Variants in XYLT1 observed in about 807,000 individuals in gnomAD.
XYLT1 encodes beta-D-xylosyltransferase 1.
XYLT1 carries 36 observed loss-of-function variants against 91.3 expected under a neutral mutation model. That is an observed-to-expected ratio of 0.39 (90% CI 0.30 to 0.52). XYLT1 has a LOEUF of 0.52. XYLT1 is among the 20% of genes least tolerant of loss of function. The pLI, the probability that XYLT1 is intolerant of heterozygous loss-of-function variation, is 0.68. For synonymous variants in XYLT1, 588 were observed against 532.0 expected, an observed-to-expected ratio of 1.11 and a Z score of -1.45; for missense variants, 1,242 against 1,284.5, an observed-to-expected ratio of 0.97 and a Z score of 0.51.
intron 2 of XYLT1, among the ~76,000 whole-genome samples, chr16:17,306,202 A>T (rs1410968737): frequency 6.6e-6 from 1 of 152,184 alleles, no homozygotes; most frequent in Non-Finnish European, 1.5e-5. Flanking sequence ...TCAGATTGGG[A>T]GAATGCAAAT....
chr16:17,337,187 C>G (rs184236527), intron 2 of XYLT1, among the ~76,000 whole-genome samples: 140 of 152,146 alleles, frequency 9.2e-4, no homozygotes, highest in African/African-American at 3.0e-3. Context: ...CACTGACTTC[C>G]TGAGAATCTT....
At chr16:17,400,684 T>G (rs1319170467) in intron 1 of XYLT1, among the ~76,000 whole-genome samples, 3 of 147,254 alleles carry the variant, frequency 2.0e-5, no homozygotes, top group Middle Eastern at 3.5e-3. Flanking sequence ...AGGAACTAAC[T>G]AACTTGCAGT....
At chr16:17,439,776 A>G (rs1052688281) in intron 1 of XYLT1, among the ~76,000 whole-genome samples, 2 of 152,192 alleles carry the variant, frequency 1.3e-5, no homozygotes, top group Non-Finnish European at 2.9e-5. Context: ...ACCACTTCCT[A>G]TAAGATTCAA....
At chr16:17,262,927 A>T (rs2033745216) in intron 2 of XYLT1, among the ~76,000 whole-genome samples, 2 of 152,034 alleles carry the variant, frequency 1.3e-5, no homozygotes, top group Admixed American at 6.6e-5. Flanking sequence ...ACAGGAGCCA[A>T]TTTTTTTCTC....
chr16:17,296,197 T>C (rs986229777), intron 2 of XYLT1, among the ~76,000 whole-genome samples: 2 of 152,052 alleles, frequency 1.3e-5, no homozygotes, highest in Non-Finnish European at 2.9e-5. Context: ...TGGAGGTGGC[T>C]AGGGAGCAGT....
At position 17,103,411 on chromosome 16, in the gene XYLT1, C is replaced by T. The variant is rs1393718484; in HGVS notation, c.*5284G>A. On this transcript the variant is annotated 3_prime_UTR_variant, in exon 12 of 12. Transcript: ENST00000261381. ...AATATAAGAACATTTTTCTTAAAGA[C>T]GACATTTGTAAGCAATTCCTATAGC... The T allele has an allele frequency of 6.6e-6, 1 of 152,264 alleles. No homozygotes were observed. Among genetic ancestry groups the T allele is most frequent in the Admixed American group, 6.6e-5 (1 of 15,266 alleles). 9.4% of individuals were successfully genotyped at this position (152,264 alleles called of 1,614,324 possible). A position where few individuals can be genotyped will look rare whatever the true frequency, so the allele number is the denominator to read the frequency against.
rs56209014 is a variant in XYLT1 at position 17,106,259 on chromosome 16, C to T, written c.*2436G>A. On this transcript the variant is annotated 3_prime_UTR_variant, in exon 12 of 12. Coordinates refer to ENST00000261381, the MANE Select transcript of XYLT1 (RefSeq NM_022166.4). ...CCCAAAGCCACTGCAAATAACGCTG[C>T]GAACACAAAGCACTGGTGGCCCAGC... 19,581 of 152,258 alleles carry T rather than the reference C, an allele frequency of 0.13. 1,744 individuals are homozygous for T. The highest frequency in any genetic ancestry group is 0.22 in the Admixed American group (3,423 of 15,290). The allele number at this position is 152,258 out of a possible 1,614,324, so 9.4% of individuals were successfully genotyped here. A position where few individuals can be genotyped will look rare whatever the true frequency, so the allele number is the denominator to read the frequency against.
intron 2 of XYLT1, among the ~76,000 whole-genome samples, chr16:17,283,125 C>T (rs1357725291): frequency 2.6e-5 from 4 of 152,166 alleles, no homozygotes; most frequent in South Asian, 4.1e-4. Context: ...GGGCACATCC[C>T]GTCCTCGCTT....
chr16:17,470,770 C>T lies in XYLT1; in HGVS notation c.27G>A (p.Arg9=). 9.5e-7 allele frequency: 1 copy of T among 1,052,200 alleles called. No individual in the cohort carries two copies. Among genetic ancestry groups the T allele is most frequent in the Non-Finnish European group, 1.1e-6 (1 of 870,060 alleles). 65.2% of individuals were successfully genotyped at this position (1,052,200 alleles called of 1,614,324 possible). MVAAPCAR[R]LARRSHSALL... ...GCGCCGAGTGCGAGCGCCGGGCCAG[C>T]CTCCGGGCGCACGGCGCCGCCACCA... The change falls in exon 1 of 12, where the codon AGG becomes AGA. Residue 9 remains arginine, a synonymous_variant. Transcript: ENST00000261381.
intron 6 of XYLT1, among the ~76,000 whole-genome samples, chr16:17,157,035 A>T (rs1170591362): frequency 6.6e-6 from 1 of 150,776 alleles, no homozygotes; most frequent in East Asian, 1.9e-4. Flanking sequence ...GCAACCTCCG[A>T]CTCCCAGGAT....
intron 2 of XYLT1, among the ~76,000 whole-genome samples, chr16:17,349,866 TA>T (rs769697860): frequency 1.2e-4 from 19 of 152,034 alleles, no homozygotes; most frequent in Non-Finnish European, 2.4e-4. Flanking sequence ...ATGTAATCAT[TA>T]TTGACAAGAG....
At chr16:17,448,746 G>C (rs1054570862) in intron 1 of XYLT1, among the ~76,000 whole-genome samples, 5 of 151,904 alleles carry the variant, frequency 3.3e-5, no homozygotes, top group African/African-American at 4.8e-5. Flanking sequence ...GGGTGGAGGA[G>C]GAGGAGGGCA....
chr16:17,168,425 T>C (rs1187707004), intron 5 of XYLT1, among the ~76,000 whole-genome samples: 1 of 152,032 alleles, frequency 6.6e-6, no homozygotes, highest in Non-Finnish European at 1.5e-5. Flanking sequence ...GAACAAACAC[T>C]GGGGACTACT....
chr16:17,300,067 G>A (rs948075212), intron 2 of XYLT1, among the ~76,000 whole-genome samples: 10 of 152,286 alleles, frequency 6.6e-5, no homozygotes, highest in Non-Finnish European at 8.8e-5. Context: ...AAAAGGTGGC[G>A]GGGGTGGGGA....
chr16:17,356,604 T>C (rs2035298187), intron 2 of XYLT1, among the ~76,000 whole-genome samples: 1 of 151,942 alleles, frequency 6.6e-6, no homozygotes, highest in Non-Finnish European at 1.5e-5. Context: ...GGACCCAAGG[T>C]GGAGGAGGCA....
chr16:17,408,986 T>C (rs1243294470), intron 1 of XYLT1, among the ~76,000 whole-genome samples: 2 of 152,148 alleles, frequency 1.3e-5, no homozygotes, highest in Admixed American at 1.3e-4. Flanking sequence ...AGAACCCAAA[T>C]GAGGCTCTAG....
At chr16:17,310,170 T>G (rs1451828434) in intron 2 of XYLT1, among the ~76,000 whole-genome samples, 3 of 152,218 alleles carry the variant, frequency 2.0e-5, no homozygotes, top group Non-Finnish European at 4.4e-5. Flanking sequence ...GTTCATTCAC[T>G]TCCCTCCAGC....
rs762165484 is a variant in XYLT1, at chr16:17,127,875, C to T, written c.2028-14G>A. The T allele has an allele frequency of 2.6e-5, 42 of 1,610,330 alleles. No individual in the cohort carries two copies. Among genetic ancestry groups the T allele is most frequent in the East Asian group, 2.5e-4 (11 of 44,868 alleles). ...ATTGGGTAGTATCTGAAAACACAGG[C>T]GCTCATGCATTAGGGCCCAAGGTGT... On this transcript the variant is annotated splice_polypyrimidine_tract_variant and intron_variant, in intron 9 of 11. Transcript: ENST00000261381.
intron 2 of XYLT1, among the ~76,000 whole-genome samples, chr16:17,327,744 G>T (rs759779805): frequency 6.6e-6 from 1 of 151,578 alleles, no homozygotes; most frequent in Non-Finnish European, 1.5e-5. Context: ...TCTTGGAATA[G>T]GCCATTATGC....
Sources: allele counts gnomAD v4.1 joint callset (sites outside exome capture counted in the v4.1 genomes callset), GRCh38; gene constraint gnomAD v4.1.1; transcripts MANE v1.5; gene names NCBI Gene and HGNC (gene_info 2026-07-23, HGNC 2026-07-21).